The following PLXNA4 variants were observed in gnomAD, a reference collection of about 807,000 sequenced individuals.
The protein encoded by PLXNA4 is plexin A4.
Under a neutral mutation model 191.8 loss-of-function variants are expected in PLXNA4, and 44 were observed. The observed-to-expected ratio is 0.23, with a 90% CI of 0.18 to 0.29. PLXNA4 has a LOEUF of 0.29. Among genes scored for constraint, PLXNA4 ranks in the 10% least tolerant of loss-of-function variants. The probability of loss-of-function intolerance (pLI) is 1.00; values close to 1 mark genes in which losing one functional copy is unlikely to be tolerated. For missense variants in PLXNA4, 1,800 were observed against 2,488.8 expected (o/e 0.72, Z 5.89); for synonymous variants, 1,082 against 1,009.5 (o/e 1.07, Z -1.36).
At position 132,133,314 on chromosome 7, in the gene PLXNA4, G is replaced by A. The variant is rs1004883323; in HGVS notation, c.5439-115C>T. The A allele has an allele frequency of 2.1e-5, 32 of 1,509,262 alleles. No homozygotes were observed. In the East Asian group the frequency reaches 6.4e-4, roughly 30 times the overall value. 93.5% of individuals were successfully genotyped at this position (1,509,262 alleles called of 1,614,324 possible). ...GAGCTCAGCTTGCACTGCAGGTAGT[G>A]GGTACTTGTGCTGTGGCCACCTGGG... is the stretch of plus-strand genomic sequence containing the variant. On this transcript the variant is annotated intron_variant, in intron 30 of 31. Transcript: ENST00000321063.
chr7:132,642,087 T>C (rs972171535), intron 2 of PLXNA4, among the ~76,000 whole-genome samples: 1 of 152,176 alleles, frequency 6.6e-6, no homozygotes, highest in Admixed American at 6.5e-5. Context: ...TATAAGCAAA[T>C]TGCAAAGTGT....
At chr7:132,263,737 C>T (rs936865574) in intron 4 of PLXNA4, among the ~76,000 whole-genome samples, 2 of 152,154 alleles carry the variant, frequency 1.3e-5, no homozygotes, top group Non-Finnish European at 2.9e-5. Flanking sequence ...TGCCACATAT[C>T]GGCTGGGTGA....
intron 3 of PLXNA4, among the ~76,000 whole-genome samples, chr7:132,389,677 A>G (rs543177495): frequency 1.1e-4 from 17 of 152,312 alleles, no homozygotes; most frequent in African/African-American, 3.6e-4. Flanking sequence ...ATAGCCTTGT[A>G]GTATAGTTTG....
intron 4 of PLXNA4, among the ~76,000 whole-genome samples, chr7:132,292,348 GTGTTTAGAAGAGAGAGCAGCCCC>G (rs1222513767): frequency 1.3e-5 from 2 of 152,196 alleles, no homozygotes; most frequent in East Asian, 3.8e-4. Context: ...GGATGAAAGA[GTGTTTAGAAGAGAGAGCAGCCCC>G]TGCCCACCAA....
intron 3 of PLXNA4, among the ~76,000 whole-genome samples, chr7:132,452,501 T>C (rs1414197870): frequency 6.6e-6 from 1 of 152,198 alleles, no homozygotes; most frequent in East Asian, 1.9e-4. Context: ...CAAAAAAACA[T>C]GGCACACAGT....
chr7:132,456,516 G>C (rs544925769), intron 3 of PLXNA4, among the ~76,000 whole-genome samples: 23 of 152,268 alleles, frequency 1.5e-4, no homozygotes, highest in African/African-American at 5.5e-4. Flanking sequence ...CAACCAGAGG[G>C]ACTAATCAAC....
intron 25 of PLXNA4, among the ~76,000 whole-genome samples, chr7:132,159,205 T>A (rs1584776541): frequency 6.6e-6 from 1 of 152,202 alleles, no homozygotes; most frequent in Middle Eastern, 3.4e-3. Flanking sequence ...CCCAGAGGCA[T>A]GTCCTGCCAG....
chr7:132,535,217 T>C (rs1416501405), intron 1 of PLXNA4, among the ~76,000 whole-genome samples: 15 of 152,196 alleles, frequency 9.9e-5, no homozygotes, highest in Admixed American at 9.8e-4. Flanking sequence ...TGGATTTATG[T>C]TCACCATCAT....
At chr7:132,205,185 G>A (rs1479860653) in intron 10 of PLXNA4, among the ~76,000 whole-genome samples, 1 of 152,174 alleles carries the variant, frequency 6.6e-6, no homozygotes, top group East Asian at 1.9e-4. Flanking sequence ...CTCTGCAGCT[G>A]GGTCAGGCTG....
At chr7:132,174,607 T>C (rs1009849385) in intron 21 of PLXNA4, among the ~76,000 whole-genome samples, 171 bp downstream of exon 21, 1 of 152,222 alleles carries the variant, frequency 6.6e-6, no homozygotes, top group Non-Finnish European at 1.5e-5. Context: ...TTCCCTGGCT[T>C]GGCCCCACCT....
intron 3 of PLXNA4, among the ~76,000 whole-genome samples, chr7:132,326,988 C>T (rs1391237292): frequency 4.2e-5 from 4 of 95,108 alleles, no homozygotes; most frequent in Admixed American, 2.4e-4. Context: ...AGGAAGGAAG[C>T]GAAGGAGGGA....
At position 132,327,648 on chromosome 7, in the gene PLXNA4, CAG is replaced by C. The variant is rs909057534; in HGVS notation, c.1372-29428_1372-29427del. 9.2e-5 allele frequency among the ~76,000 whole-genome samples: 14 copies of C among 152,198 alleles called. 1 individual carries two copies. The highest frequency in any genetic ancestry group is 1.2e-4 in the Non-Finnish European group (8 of 68,036). ...CTGCTATGCCCTGGGTTCTCGGACA[CAG>C]AGGTGAACACTGTGTGAGGAAGGTC... On this transcript the variant is annotated intron_variant, in intron 3 of 31. Coordinates refer to ENST00000321063, the MANE Select transcript of PLXNA4 (RefSeq NM_020911.2).
intron 4 of PLXNA4, among the ~76,000 whole-genome samples, chr7:132,277,339 A>G (rs751974777): frequency 6.6e-6 from 1 of 152,202 alleles, no homozygotes; most frequent in Non-Finnish European, 1.5e-5. Context: ...GTGAAGATGC[A>G]TTTAAATGCA....
chr7:132,611,980 A>G (rs1220071111), intron 2 of PLXNA4, among the ~76,000 whole-genome samples: 1 of 152,204 alleles, frequency 6.6e-6, no homozygotes, highest in African/African-American at 2.4e-5. Flanking sequence ...GGTCACCTTA[A>G]GGCTGCTTCA....
chr7:132,224,193 C>T (rs1298576410), intron 8 of PLXNA4, among the ~76,000 whole-genome samples: 4 of 152,124 alleles, frequency 2.6e-5, no homozygotes, highest in African/African-American at 9.7e-5. Flanking sequence ...CAACATGGTT[C>T]CCTTTTCCAA....
At chr7:132,300,868 C>T (rs1243249525) in intron 3 of PLXNA4, among the ~76,000 whole-genome samples, 1 of 152,226 alleles carries the variant, frequency 6.6e-6, no homozygotes, top group Non-Finnish European at 1.5e-5. Flanking sequence ...CCATCCAGTG[C>T]CCCTTGGCCT....
In PLXNA4 at chr7:132,392,270, T is replaced by C. The variant is rs185488406; in HGVS notation, c.1372-94048A>G. On this transcript the variant is annotated intron_variant, in intron 3 of 31. Coordinates refer to ENST00000321063, the MANE Select transcript of PLXNA4 (RefSeq NM_020911.2). ...AAGGGCATGATGGGCCCTCGATAAATATTTATTACATTAACAAGAGTATAT... is the reference window on the plus strand; with the variant it reads ...AAGGGCATGATGGGCCCTCGATAAACATTTATTACATTAACAAGAGTATAT... Among the ~76,000 whole-genome samples the C allele has an allele frequency of 2.5e-3, 385 of 152,292 alleles. 1 individual carries two copies. The highest frequency in any genetic ancestry group is 8.8e-3 in the African/African-American group (366 of 41,552).
intron 3 of PLXNA4, among the ~76,000 whole-genome samples, chr7:132,425,381 A>G (rs1415257296): frequency 6.6e-6 from 1 of 152,138 alleles, no homozygotes; most frequent in East Asian, 1.9e-4. Context: ...TGACAGGGGA[A>G]TTGGTGAAAG....
At chr7:132,146,747 C>T (rs1795447119) in intron 27 of PLXNA4, 47 bp from the exon 28 acceptor site, 4 of 1,600,314 alleles carry the variant, frequency 2.5e-6, no homozygotes, top group Non-Finnish European at 2.6e-6. Flanking sequence ...GCCACACAGC[C>T]TTAGCCCATC....
Sources: gnomAD v4.1 joint callset for allele counts (sites outside exome capture counted in the v4.1 genomes callset) on GRCh38, gnomAD v4.1.1 for gene constraint, MANE v1.5 for transcripts, NCBI Gene and HGNC (gene_info 2026-07-23, HGNC 2026-07-21) for gene names.